TENM2: variants seen among roughly 807,000 people sequenced by gnomAD.
TENM2 encodes the protein teneurin-2.
In TENM2, 52 loss-of-function variants were observed where a neutral mutation model predicts 245.2. The ratio of observed to expected loss-of-function variants is 0.21; its 90% CI spans 0.17 to 0.27. The LOEUF (loss-of-function observed/expected upper bound fraction) is 0.27. Among genes scored for constraint, TENM2 ranks in the 10% least tolerant of loss-of-function variants. The pLI, the probability that TENM2 is intolerant of heterozygous loss-of-function variation, is 1.00. For synonymous variants in TENM2, 1,363 were observed against 1,438.9 expected (o/e 0.95, Z 1.19); for missense variants, 3,046 against 3,666.8 (o/e 0.83, Z 4.37).
At chr5:167,470,115 T>C (rs2127508274) in intron 2 of TENM2, among the ~76,000 whole-genome samples, 1 of 152,286 alleles carries the variant, frequency 6.6e-6, no homozygotes, top group East Asian at 1.9e-4. Flanking sequence ...GTGTCAATCA[T>C]TTCCAAATAG....
At chr5:167,234,598 A>G in the TENM2 span, among the ~76,000 whole-genome samples, 1 of 152,206 alleles carries the variant, frequency 6.6e-6, no homozygotes, top group East Asian at 1.9e-4. Context: ...GACTCTGCCC[A>G]TCACAACTGT....
At position 167,357,972 on chromosome 5, in the gene TENM2, C is replaced by G. The variant is rs111615773; in HGVS notation, c.227-17226C>G. Among the ~76,000 whole-genome samples the G allele has an allele frequency of 2.2e-3, 340 of 152,282 alleles. 2 individuals are homozygous for G. The highest frequency in any genetic ancestry group is 7.8e-3 in the African/African-American group (326 of 41,548). On this transcript the variant is annotated intron_variant, in intron 1 of 28. Coordinates refer to ENST00000518659, the Ensembl canonical transcript of TENM2. ...TAAGTGAAAAACTTCTACTGTTATC[C>G]CAGGTAAAGCGTTCACCTGTGTGCA...
chr5:167,503,393 A>G (rs1769337354), intron 2 of TENM2, among the ~76,000 whole-genome samples: 1 of 152,126 alleles, frequency 6.6e-6, no homozygotes, highest in Non-Finnish European at 1.5e-5. Context: ...GAGGAGGATA[A>G]AAAATGGTAC....
chr5:167,949,097 A>G (rs1029141813), intron 3 of TENM2, among the ~76,000 whole-genome samples: 4 of 152,210 alleles, frequency 2.6e-5, no homozygotes, highest in African/African-American at 9.6e-5. Flanking sequence ...CTGATACTGA[A>G]TACCAAGGCA....
chr5:167,199,547 C>T, the TENM2 span, among the ~76,000 whole-genome samples: 4 of 152,088 alleles, frequency 2.6e-5, no homozygotes, highest in Admixed American at 2.6e-4. Flanking sequence ...TTCTCTCTCC[C>T]GTTTTCAGGA....
chr5:167,487,859 A>G (rs1022934094), intron 2 of TENM2, among the ~76,000 whole-genome samples: 1 of 152,228 alleles, frequency 6.6e-6, no homozygotes, highest in African/African-American at 2.4e-5. Context: ...TTTTGTCAGT[A>G]TATAATGCAA....
chr5:167,574,057 G>A (rs1582426288), intron 2 of TENM2: 2 of 152,092 alleles, frequency 1.3e-5, no homozygotes, highest in East Asian at 3.9e-4. Context: ...TTGACCGAGT[G>A]GCTTAGTTAA....
the TENM2 span, among the ~76,000 whole-genome samples, chr5:167,073,248 C>A: frequency 6.6e-6 from 1 of 152,182 alleles, no homozygotes; most frequent in East Asian, 1.9e-4. Flanking sequence ...ACAGTTACAT[C>A]CAGCTTTTTA....
At chr5:167,438,122 G>A (rs1176960755) in intron 2 of TENM2, among the ~76,000 whole-genome samples, 2 of 152,096 alleles carry the variant, frequency 1.3e-5, no homozygotes, top group Non-Finnish European at 2.9e-5. Flanking sequence ...TGATAATCCA[G>A]GTTAATTTGT....
chr5:167,324,377 A>G (rs1756956825), intron 1 of TENM2, among the ~76,000 whole-genome samples: 1 of 152,212 alleles, frequency 6.6e-6, no homozygotes, highest in South Asian at 2.1e-4. Flanking sequence ...ATTCCTCAGA[A>G]GCAACATGTA....
intron 5 of TENM2, among the ~76,000 whole-genome samples, chr5:167,993,919 C>T (rs747820125): frequency 3.3e-5 from 5 of 152,224 alleles, no homozygotes; most frequent in African/African-American, 1.2e-4. Flanking sequence ...GGTTTACAGC[C>T]ATAGGGTGTA....
At position 167,855,667 on chromosome 5, in the gene TENM2, G is replaced by GGA. The variant is rs1554131976; in HGVS notation, c.503-20319_503-20318insGA. 7.5e-5 allele frequency among the ~76,000 whole-genome samples: 7 copies of GGA among 92,756 alleles called. No individual in the cohort carries two copies. The East Asian group carries it at 2.1e-3, about 28-fold the overall frequency. The allele number at this position is 92,756 out of a possible 152,430, so 60.9% of individuals were successfully genotyped here. On this transcript the variant is annotated intron_variant, in intron 2 of 28. Transcript: ENST00000518659. ...ATATGGAAGGAGGAAGGAAGAAAGAGAGGAAGGAAGGAAGGAAGGAGGGAG... is the reference window on the plus strand; with the variant it reads ...ATATGGAAGGAGGAAGGAAGAAAGAGGAAGGAAGGAAGGAAGGAAGGAGGGAG...
chr5:168,137,619 T>G (rs1755161079), intron 12 of TENM2, among the ~76,000 whole-genome samples: 3 of 152,224 alleles, frequency 2.0e-5, no homozygotes, highest in Non-Finnish European at 4.4e-5. Flanking sequence ...AGGAGATTGT[T>G]TCCCTATATT....
chr5:167,490,474 C>T (rs1768360251), intron 2 of TENM2, among the ~76,000 whole-genome samples: 1 of 151,946 alleles, frequency 6.6e-6, no homozygotes, highest in Non-Finnish European at 1.5e-5. Flanking sequence ...ATTTGCATGT[C>T]TTCTTTCATG....
intron 2 of TENM2, among the ~76,000 whole-genome samples, chr5:167,690,977 A>G (rs2150405296): frequency 6.6e-6 from 1 of 151,348 alleles, no homozygotes; most frequent in South Asian, 2.1e-4. Flanking sequence ...GTGTAGAGAG[A>G]GAGAGGAATA....
At chr5:168,104,361 G>A (rs1374836413) in intron 9 of TENM2, among the ~76,000 whole-genome samples, 1 of 152,064 alleles carries the variant, frequency 6.6e-6, no homozygotes, top group Non-Finnish European at 1.5e-5. Flanking sequence ...CTCTTAAAAG[G>A]CCCCAAGCAT....
At chr5:168,098,276 T>TC in intron 9 of TENM2, 149 bp downstream of exon 11, 2 of 637,028 alleles carry the variant, frequency 3.1e-6, no homozygotes, top group Non-Finnish European at 5.6e-6. Context: ...GCATAAGCCT[T>TC]CGTAAAGAGT....
intron 5 of TENM2, among the ~76,000 whole-genome samples, chr5:168,022,138 A>G (rs927939214): frequency 3.3e-5 from 5 of 152,212 alleles, no homozygotes; most frequent in African/African-American, 1.2e-4. Context: ...TCATTTACTC[A>G]TCCATTCATT....
chr5:167,356,062 A>T (rs978067119), intron 1 of TENM2, among the ~76,000 whole-genome samples: 2 of 150,988 alleles, frequency 1.3e-5, no homozygotes, highest in Non-Finnish European at 3.0e-5. Flanking sequence ...GGTGCCTGTA[A>T]TCCCAGCTAC....
Sources: allele counts gnomAD v4.1 joint callset (sites outside exome capture counted in the v4.1 genomes callset), GRCh38; gene constraint gnomAD v4.1.1; transcripts MANE v1.5; gene names NCBI Gene and HGNC (gene_info 2026-07-23, HGNC 2026-07-21).